Variants in NEGR1 observed in about 807,000 individuals in gnomAD.
NEGR1 encodes the protein IgLON family member 4.
In NEGR1, 10 loss-of-function variants were observed where a neutral mutation model predicts 40.9. The observed-to-expected ratio is 0.24, with a 90% CI of 0.15 to 0.42. NEGR1 has a LOEUF of 0.42. NEGR1 is among the 10% of genes least tolerant of loss of function. The pLI, the probability that NEGR1 is intolerant of heterozygous loss-of-function variation, is 1.00. For missense variants in NEGR1, 352 were observed against 438.9 expected (o/e 0.80, Z 1.77); for synonymous variants, 185 against 166.8 (o/e 1.11, Z -0.84).
At chr1:71,440,799 T>C (rs1194879852) in intron 6 of NEGR1, among the ~76,000 whole-genome samples, 1 of 152,266 alleles carries the variant, frequency 6.6e-6, no homozygotes, top group Non-Finnish European at 1.5e-5. Context: ...ATTAAAATTG[T>C]CATATTTATA....
intron 6 of NEGR1, among the ~76,000 whole-genome samples, chr1:71,570,229 A>G (rs1187364097): frequency 6.6e-6 from 1 of 152,186 alleles, no homozygotes; most frequent in African/African-American, 2.4e-5. Flanking sequence ...AATTTGTTGT[A>G]TGGCTTGGAT....
chr1:72,193,078 T>C (rs1652876309), intron 1 of NEGR1, among the ~76,000 whole-genome samples: 2 of 151,764 alleles, frequency 1.3e-5, no homozygotes, highest in African/African-American at 2.4e-5. Flanking sequence ...AAGTATATAA[T>C]TAACTTTTCT....
intron 6 of NEGR1, among the ~76,000 whole-genome samples, chr1:71,466,538 A>G (rs1646747048): frequency 6.6e-6 from 1 of 152,076 alleles, no homozygotes; most frequent in Admixed American, 6.6e-5. Context: ...GGGAATGGTG[A>G]TCGAGAGTAC....
chr1:72,279,901 A>G, intron 1 of NEGR1, among the ~76,000 whole-genome samples: 1 of 152,238 alleles, frequency 6.6e-6, no homozygotes, highest in East Asian at 1.9e-4. Context: ...AAGTTCAACA[A>G]CTGGATAATT....
intron 1 of NEGR1, among the ~76,000 whole-genome samples, chr1:71,982,742 T>C (rs986846096): frequency 1.3e-5 from 2 of 152,122 alleles, no homozygotes; most frequent in African/African-American, 2.4e-5. Flanking sequence ...AATTACCTAA[T>C]TGAACTTAGT....
chr1:71,603,887 C>T (rs1313848044), intron 5 of NEGR1, among the ~76,000 whole-genome samples: 1 of 152,078 alleles, frequency 6.6e-6, no homozygotes, highest in Non-Finnish European at 1.5e-5. Context: ...TTTTATTTTA[C>T]TCATGGGAAC....
chr1:72,099,212 T>A (rs1206734012), intron 1 of NEGR1, among the ~76,000 whole-genome samples: 1 of 152,000 alleles, frequency 6.6e-6, no homozygotes, highest in African/African-American at 2.4e-5. Context: ...CATAGCATTT[T>A]AAAAATTCCG....
intron 2 of NEGR1, among the ~76,000 whole-genome samples, chr1:71,841,309 T>C (rs888719156): frequency 1.3e-5 from 2 of 152,170 alleles, no homozygotes; most frequent in African/African-American, 4.8e-5. Context: ...TTAGGTCTCC[T>C]AGGCATGGGA....
chr1:71,792,244 C>A (rs1349098575), intron 2 of NEGR1, among the ~76,000 whole-genome samples: 1 of 152,046 alleles, frequency 6.6e-6, no homozygotes, highest in Non-Finnish European at 1.5e-5. Context: ...TTTGAAAACT[C>A]CATGGCTGGT....
At chr1:71,764,067 A>C (rs1413308210) in intron 3 of NEGR1, among the ~76,000 whole-genome samples, 4 of 152,238 alleles carry the variant, frequency 2.6e-5, no homozygotes, top group African/African-American at 9.6e-5. Flanking sequence ...CAATTATTAC[A>C]ATTCAGAAAG....
chr1:71,725,671 C>T (rs1250100956), intron 3 of NEGR1, among the ~76,000 whole-genome samples: 1 of 152,098 alleles, frequency 6.6e-6, no homozygotes, highest in African/African-American at 2.4e-5. Flanking sequence ...CTCACGAAAT[C>T]TCTGTAGGCT....
At chr1:71,826,485 C>T (rs1389562293) in intron 2 of NEGR1, among the ~76,000 whole-genome samples, 2 of 151,870 alleles carry the variant, frequency 1.3e-5, no homozygotes, top group East Asian at 3.9e-4. Context: ...GCTGCTGCTT[C>T]CCACTTAAGT....
At chr1:71,526,535 C>A (rs1408210335) in intron 6 of NEGR1, among the ~76,000 whole-genome samples, 1 of 151,466 alleles carries the variant, frequency 6.6e-6, no homozygotes, top group Non-Finnish European at 1.5e-5. Flanking sequence ...GGTACCCCAC[C>A]ACCCACAGAG....
intron 6 of NEGR1, among the ~76,000 whole-genome samples, chr1:71,457,915 G>A (rs931082827): frequency 5.9e-5 from 9 of 152,050 alleles, no homozygotes; most frequent in Non-Finnish European, 5.9e-5. Context: ...TGTTAGCCAG[G>A]ATGGTCTTGA....
At chr1:71,926,634 G>A (rs1645776543) in intron 2 of NEGR1, among the ~76,000 whole-genome samples, 2 of 124,648 alleles carry the variant, frequency 1.6e-5, no homozygotes, top group South Asian at 6.1e-4. Flanking sequence ...GACAATGTGT[G>A]GTGGCTATCA....
chr1:72,263,955 T>A (rs1655553089), intron 1 of NEGR1, among the ~76,000 whole-genome samples: 1 of 151,458 alleles, frequency 6.6e-6, no homozygotes, highest in Non-Finnish European at 1.5e-5. Flanking sequence ...ATACATATAT[T>A]CACTGGAAAG....
intron 2 of NEGR1, among the ~76,000 whole-genome samples, chr1:71,816,497 C>G (rs113033844): frequency 1.6e-3 from 249 of 152,104 alleles, no homozygotes; most frequent in Non-Finnish European, 3.1e-3. Context: ...AGTAAGCAAG[C>G]GAGCTTGTGC....
intron 1 of NEGR1, among the ~76,000 whole-genome samples, chr1:72,220,565 T>C (rs1475905644): frequency 1.3e-5 from 2 of 152,100 alleles, no homozygotes; most frequent in Non-Finnish European, 2.9e-5. Context: ...TCTATGCATA[T>C]CGGTAATATG....
chr1:71,404,122 A>C lies in NEGR1; in HGVS notation c.*3324T>G, dbSNP rs575625832. 1.5e-5 allele frequency: 3 copies of C among 205,344 alleles called. No individual in the cohort carries two copies. The highest frequency in any genetic ancestry group is 2.9e-5 in the Non-Finnish European group (3 of 103,318). The allele number at this position is 205,344 out of a possible 1,614,324, so 12.7% of individuals were successfully genotyped here. A position where few individuals can be genotyped will look rare whatever the true frequency, so the allele number is the denominator to read the frequency against. ...TGACTTTGATAATTCAGTTTTTCAG[A>C]GTTTTCTGACTTCAAATGTAGGGGT... On this transcript the variant is annotated 3_prime_UTR_variant, in exon 7 of 7. Transcript: ENST00000357731.
Sources: gnomAD v4.1 joint callset for allele counts (sites outside exome capture counted in the v4.1 genomes callset) on GRCh38, gnomAD v4.1.1 for gene constraint, MANE v1.5 for transcripts, NCBI Gene and HGNC (gene_info 2026-07-23, HGNC 2026-07-21) for gene names.